FAP: variants seen among roughly 807,000 people sequenced by gnomAD.
FAP encodes prolyl endopeptidase FAP.
Under a neutral mutation model 126.5 loss-of-function variants are expected in FAP, and 110 were observed. The ratio of observed to expected loss-of-function variants is 0.87; its 90% CI spans 0.74 to 1.02. FAP has a LOEUF of 1.02. FAP is among the 50% of genes least tolerant of loss of function. The pLI, the probability that FAP is intolerant of heterozygous loss-of-function variation, is 0.00. For missense variants in FAP, 919 were observed against 909.2 expected (o/e 1.01, Z -0.14); for synonymous variants, 334 against 297.3 (o/e 1.12, Z -1.27).
At chr2:162,230,887 T>G (rs1466017363) in intron 2 of FAP, among the ~76,000 whole-genome samples, 1 of 152,176 alleles carries the variant, frequency 6.6e-6, no homozygotes, top group Non-Finnish European at 1.5e-5. Context: ...CCTGTGCCTA[T>G]AGGAATCATT....
intron 17 of FAP, among the ~76,000 whole-genome samples, chr2:162,192,644 C>A (rs1488207147): frequency 1.3e-5 from 2 of 152,122 alleles, no homozygotes; most frequent in Non-Finnish European, 2.9e-5. Context: ...CCAAACTGAT[C>A]TTCTGGCATC....
At chr2:162,190,395 T>C (rs750614758) in intron 17 of FAP, among the ~76,000 whole-genome samples, 56 of 150,402 alleles carry the variant, frequency 3.7e-4, no homozygotes, top group Non-Finnish European at 5.9e-4. Flanking sequence ...ATATTGTGTA[T>C]ACACACACAC....
intron 16 of FAP, chr2:162,197,757 A>G (rs928266334): frequency 9.9e-6 from 4 of 403,468 alleles, no homozygotes; most frequent in Non-Finnish European, 2.0e-5. Flanking sequence ...AGGGATATCA[A>G]GCAGTCAAAG....
At chr2:162,234,518 G>T (rs541281841) in intron 2 of FAP, among the ~76,000 whole-genome samples, 1 of 152,236 alleles carries the variant, frequency 6.6e-6, no homozygotes, top group African/African-American at 2.4e-5. Context: ...TGTGTTATCT[G>T]TCAGTAGAAA....
chr2:162,192,341 C>T (rs1293609382), intron 17 of FAP, among the ~76,000 whole-genome samples: 2 of 152,070 alleles, frequency 1.3e-5, no homozygotes. Context: ...CTCTCTGCAG[C>T]ATCTGGTACA....
In FAP at chr2:162,207,517, A is replaced by G. The variant is rs1386380303; in HGVS notation, c.1047+2435T>C. Among the ~76,000 whole-genome samples the G allele has an allele frequency of 5.3e-5, 8 of 152,328 alleles. No homozygotes were observed. The East Asian group carries it at 1.5e-3, about 29-fold the overall frequency. On this transcript the variant is annotated intron_variant, in intron 12 of 25. Transcript: ENST00000188790. Reference sequence around the variant, plus strand: ...ATTTACTCTCTAGATTTAGTTGGGAATGACTTTTGATTTAATATAAGGACC... The same window carrying G: ...ATTTACTCTCTAGATTTAGTTGGGAGTGACTTTTGATTTAATATAAGGACC...
intron 2 of FAP, among the ~76,000 whole-genome samples, chr2:162,236,005 T>G (rs1469467490): frequency 1.3e-5 from 2 of 152,216 alleles, no homozygotes; most frequent in African/African-American, 4.8e-5. Flanking sequence ...ATCCGTTAAG[T>G]GTTTTTATCA....
chr2:162,224,330 T>C (rs1689540230), intron 5 of FAP, 136 bp downstream of exon 5: 1 of 594,846 alleles, frequency 1.7e-6, no homozygotes, highest in South Asian at 2.2e-5. Context: ...AAACATATCA[T>C]GCTGAAGATT....
chr2:162,200,632 T>A lies in FAP; in HGVS notation c.1224-13A>T, dbSNP rs553706556. ...GCTAGAATAAAACCTGAAAATATAT[T>A]CAGAAATTATTAAGTATTGATAAAT... is the stretch of plus-strand genomic sequence containing the variant. On this transcript the variant is annotated splice_polypyrimidine_tract_variant and intron_variant, in intron 14 of 25. Coordinates refer to ENST00000188790, the MANE Select transcript of FAP (RefSeq NM_004460.5). 1.6e-6 allele frequency: 2 copies of A among 1,229,134 alleles called. No individual in the cohort carries two copies. The highest frequency in any genetic ancestry group is 2.3e-6 in the Non-Finnish European group (2 of 860,448). The allele number at this position is 1,229,134 out of a possible 1,614,324, so 76.1% of individuals were successfully genotyped here.
chr2:162,212,788 T>C (rs1688995293), intron 11 of FAP, among the ~76,000 whole-genome samples: 1 of 152,218 alleles, frequency 6.6e-6, no homozygotes, highest in Non-Finnish European at 1.5e-5. Flanking sequence ...AAATATCCTA[T>C]TTAAAGAAAA....
At chr2:162,221,258 G>C (rs1689382643) in intron 6 of FAP, among the ~76,000 whole-genome samples, 1 of 152,088 alleles carries the variant, frequency 6.6e-6, no homozygotes, top group Admixed American at 6.5e-5. Flanking sequence ...GATTGACCCA[G>C]GCCTGGCCGG....
At chr2:162,235,021 A>G (rs1035772657) in intron 2 of FAP, among the ~76,000 whole-genome samples, 56 of 152,212 alleles carry the variant, frequency 3.7e-4, no homozygotes, top group Admixed American at 7.2e-4. Flanking sequence ...GTCCCCTAGC[A>G]GTGCTGGCCC....
chr2:162,202,229 T>C (rs1198067562), intron 14 of FAP, among the ~76,000 whole-genome samples: 1 of 152,240 alleles, frequency 6.6e-6, no homozygotes, highest in African/African-American at 2.4e-5. Flanking sequence ...TTTATTTAAA[T>C]AGTATGCAGA....
rs749983039 is a variant in FAP at position 162,173,207 on chromosome 2, C to T, written c.2049G>A (p.Met683Ile). The change falls in exon 24 of 26, where the codon ATG becomes ATA. Residue 683 changes from methionine to isoleucine, a missense_variant. Physicochemically the swap from Met to Ile is conservative, Grantham distance 10. Transcript: ENST00000188790. ...CATTTCTGAAATATTCTGCTCTTGC[C>T]ATCACAGTTGAATTCTGGAAAAGAG... ...NLEHYKNSTV[M>I]ARAEYFRNVD... The T allele has an allele frequency of 1.6e-5, 26 of 1,612,748 alleles. No homozygotes were observed. The highest frequency in any genetic ancestry group is 2.1e-5 in the Non-Finnish European group (25 of 1,179,112).
intron 9 of FAP, among the ~76,000 whole-genome samples, chr2:162,217,725 C>T (rs1168851986): frequency 6.6e-6 from 1 of 152,114 alleles, no homozygotes; most frequent in Non-Finnish European, 1.5e-5. Context: ...TTAAGTTAAG[C>T]TTGTTTTTCC....
intron 15 of FAP, among the ~76,000 whole-genome samples, chr2:162,199,301 T>C (rs1245727272): frequency 6.6e-6 from 1 of 152,200 alleles, no homozygotes; most frequent in Non-Finnish European, 1.5e-5. Context: ...AGAGTCCCTG[T>C]TCTTACCATA....
chr2:162,219,155 A>G lies in FAP; in HGVS notation c.515T>C (p.Leu172Ser). 6.2e-7 allele frequency: 1 copy of G among 1,607,696 alleles called. No homozygotes were observed. The highest frequency in any genetic ancestry group is 8.5e-7 in the Non-Finnish European group (1 of 1,176,750). ...AGGTGGATCTCCTGGTCTTTGTTTC[A>G]AATAGATATTGTTTTGATAGACATA... The part of the protein sequence containing the change: ...LAYVYQNNIY[L>S]KQRPGDPPFQ... Residue 172 changes from leucine (L) to serine (S), a missense_variant, in exon 8 of 26, where the codon TTG becomes TCG. Transcript: ENST00000188790.
intron 21 of FAP, among the ~76,000 whole-genome samples, chr2:162,178,440 C>T (rs187693549): frequency 2.0e-5 from 3 of 152,182 alleles, no homozygotes; most frequent in Non-Finnish European, 2.9e-5. Flanking sequence ...TAACAGCATC[C>T]CTGGCCTCTA....
chr2:162,231,933 A>AT, intron 2 of FAP, among the ~76,000 whole-genome samples: 1 of 152,298 alleles, frequency 6.6e-6, no homozygotes, highest in Non-Finnish European at 1.5e-5. Context: ...ATATGAGGTC[A>AT]TACCAAGGAA....
Sources: gnomAD v4.1 joint callset for allele counts (sites outside exome capture counted in the v4.1 genomes callset) on GRCh38, gnomAD v4.1.1 for gene constraint, MANE v1.5 for transcripts, NCBI Gene and HGNC (gene_info 2026-07-23, HGNC 2026-07-21) for gene names.